The following GLO1 variants were observed in gnomAD, a reference collection of about 807,000 sequenced individuals.
The protein encoded by GLO1 is lactoylglutathione lyase.
In GLO1, 28 loss-of-function variants were observed where a neutral mutation model predicts 26.0. The observed-to-expected ratio is 1.08, with a 90% CI of 0.80 to 1.48. The LOEUF (loss-of-function observed/expected upper bound fraction) is 1.48. Ranked by LOEUF, GLO1 falls within the 40% of genes most tolerant of loss-of-function variation. GLO1 has a pLI of 0.00. For synonymous variants in GLO1, 78 were observed against 77.6 expected (o/e 1.00, Z -0.03); for missense variants, 225 against 224.8 (o/e 1.00, Z -0.01).
intron 2 of GLO1, among the ~76,000 whole-genome samples, chr6:38,685,647 TA>T (rs1362729197): frequency 1.3e-5 from 2 of 152,216 alleles, no homozygotes; most frequent in African/African-American, 4.8e-5. Context: ...AACATGTTTA[TA>T]ATAAAGTATC....
chr6:38,702,609 A>T (rs139243932), intron 1 of GLO1, among the ~76,000 whole-genome samples: 22 of 152,230 alleles, frequency 1.4e-4, no homozygotes, highest in Non-Finnish European at 2.9e-4. Context: ...CAGGACTGGT[A>T]CAGGACAGGC....
intron 5 of GLO1, among the ~76,000 whole-genome samples, chr6:38,680,956 A>G (rs2127545870): frequency 6.6e-6 from 1 of 152,324 alleles, no homozygotes; most frequent in South Asian, 2.1e-4. Context: ...TATATTTATT[A>G]TTATCTTTAA....
In GLO1 at chr6:38,682,104, T is replaced by A; in HGVS notation, c.377-3A>T. 1.3e-6 allele frequency: 2 copies of A among 1,510,014 alleles called. No homozygotes were observed. Among genetic ancestry groups the A allele is most frequent in the African/African-American group, 1.4e-5 (1 of 73,118 alleles). The allele number at this position is 1,510,014 out of a possible 1,614,324, so 93.5% of individuals were successfully genotyped here. A position where few individuals can be genotyped will look rare whatever the true frequency, so the allele number is the denominator to read the frequency against. ...AGGAACAGCAATTCCAATATGACCT[T>A]ACGTGATACCCCCCGAAAAAAGCAG... On this transcript the variant is annotated splice_polypyrimidine_tract_variant and splice_region_variant and intron_variant, in intron 4 of 5. Coordinates refer to ENST00000373365, the MANE Select transcript of GLO1 (RefSeq NM_006708.3).
intron 5 of GLO1, among the ~76,000 whole-genome samples, chr6:38,680,509 G>A (rs925288728): frequency 1.3e-5 from 2 of 152,156 alleles, no homozygotes; most frequent in African/African-American, 4.8e-5. Flanking sequence ...CAACAAGAGC[G>A]AAACTCCGTC....
At position 38,675,984 on chromosome 6, in the gene GLO1, C is replaced by T. The variant is rs1249889345; in HGVS notation, c.*1311G>A. On this transcript the variant is annotated 3_prime_UTR_variant, in exon 6 of 6. Coordinates refer to ENST00000373365, the MANE Select transcript of GLO1 (RefSeq NM_006708.3). ...ATTTTATTTCAGTCTATAAGTATTG[C>T]TATTTGTTTAAAGCACTCACATAAA... 1 of 150,982 alleles carries T rather than the reference C, an allele frequency of 6.6e-6. No homozygotes were observed. Among genetic ancestry groups the T allele is most frequent in the Non-Finnish European group, 1.5e-5 (1 of 67,814 alleles). The allele number at this position is 150,982 out of a possible 1,614,324, so 9.4% of individuals were successfully genotyped here.
chr6:38,679,873 C>T (rs1445766046), intron 5 of GLO1, among the ~76,000 whole-genome samples: 5 of 150,658 alleles, frequency 3.3e-5, no homozygotes, highest in East Asian at 3.9e-4. Context: ...GCAAACTAAG[C>T]GAAAATTAGA....
intron 1 of GLO1, among the ~76,000 whole-genome samples, chr6:38,689,521 A>AT (rs931080319): frequency 1.6e-4 from 25 of 152,188 alleles, no homozygotes; most frequent in Non-Finnish European, 3.5e-4. Context: ...CACAGCATGT[A>AT]TTTTTTGTTG....
chr6:38,682,145 AATT>A, intron 4 of GLO1, 44 bp from the exon 5 acceptor site: 1 of 1,040,394 alleles, frequency 9.6e-7, no homozygotes, highest in Non-Finnish European at 1.5e-6. Context: ...AGGAAGAAAT[AATT>A]ATAACAGGGT....
At chr6:38,701,810 A>G (rs1761703710) in intron 1 of GLO1, among the ~76,000 whole-genome samples, 1 of 152,220 alleles carries the variant, frequency 6.6e-6, no homozygotes, top group Non-Finnish European at 1.5e-5. Context: ...AAAGGTCTGC[A>G]CGAAGCACAT....
Position 38,686,930 on chromosome 6 carries a change from C to G in GLO1, c.129G>C (p.Lys43Asn). 1 of 1,606,804 alleles carries G rather than the reference C, an allele frequency of 6.2e-7. No homozygotes were observed. Among genetic ancestry groups the G allele is most frequent in the South Asian group, 1.1e-5 (1 of 90,860 alleles). ...QQTMLRVKDP[K>N]KSLDFYTRVL... ...CTCTAGTATAAAAATCCAGTGACTT[C>G]TTAGGATCCTTCACTCGTAGCATGG... The change falls in exon 2 of 6, where the codon AAG becomes AAC. Residue 43 changes from lysine to asparagine, a missense_variant. Transcript: ENST00000373365.
rs1194752167 is a variant in GLO1, at chr6:38,702,995, G to A, written c.60C>T (p.Cys20=). The A allele has an allele frequency of 6.9e-6, 11 of 1,586,812 alleles. No homozygotes were observed. Among genetic ancestry groups the A allele is most frequent in the Non-Finnish European group, 9.5e-6 (11 of 1,159,324 alleles). The change falls in exon 1 of 6, where the codon TGC becomes TGT. Residue 20 remains cysteine, a synonymous_variant. Coordinates refer to ENST00000373365, the MANE Select transcript of GLO1 (RefSeq NM_006708.3). ...GLTDEAALSC[C]SDADPSTKDF... ...CCTTGGTACTGGGGTCCGCGTCGGA[G>A]CAGCAACTGAGGGCGGCCTCGTCCG... is the stretch of plus-strand genomic sequence containing the variant.
chr6:38,681,935 C>T (rs1374313470), intron 5 of GLO1, 77 bp downstream of exon 5: 1 of 791,638 alleles, frequency 1.3e-6, no homozygotes, highest in East Asian at 2.4e-5. Context: ...AAGGGTTTTA[C>T]TACAACAGTG....
intron 1 of GLO1, among the ~76,000 whole-genome samples, chr6:38,699,350 A>C (rs1626200): frequency 0.67 from 102,164 of 152,068 alleles, 34,938 homozygotes; most frequent in African/African-American, 0.81. Flanking sequence ...AGGACCACTG[A>C]GATAATTGTG....
At chr6:38,685,064 G>A (rs1761442530) in intron 2 of GLO1, among the ~76,000 whole-genome samples, 1 of 152,104 alleles carries the variant, frequency 6.6e-6, no homozygotes, top group African/African-American at 2.4e-5. Flanking sequence ...CTGTAGAAAG[G>A]TCAAACAGTA....
Position 38,693,658 on chromosome 6 carries a change from G to GCT in GLO1, c.85-6686_85-6685dup, listed in dbSNP as rs71543936. ...ATGATCCCTTTTTCATTTTCATTCA[G>GCT]CTCTCTCTCTCTCTCTCTCTCTCTC... On this transcript the variant is annotated intron_variant, in intron 1 of 5. Transcript: ENST00000373365. Among the ~76,000 whole-genome samples, 897 of 127,548 alleles carry GCT rather than the reference G, an allele frequency of 7.0e-3. 15 individuals carry two copies. The highest frequency in any genetic ancestry group is 0.039 in the Admixed American group (490 of 12,484). 83.7% of individuals were successfully genotyped at this position (127,548 alleles called of 152,430 possible).
rs1266817824 is a variant in GLO1, at chr6:38,682,233, GT to G, written c.377-133del. 7.8e-6 allele frequency: 5 copies of G among 639,616 alleles called. No homozygotes were observed. In the African/African-American group the frequency reaches 9.2e-5, roughly 12 times the overall value. 39.6% of individuals were successfully genotyped at this position (639,616 alleles called of 1,614,324 possible). On this transcript the variant is annotated intron_variant, in intron 4 of 5. Transcript: ENST00000373365. ...GGCACTTGGGAACAGACTTAGGTAG[GT>G]TCAAAATCTATAATACATTAAAGAA...
intron 1 of GLO1, among the ~76,000 whole-genome samples, chr6:38,696,622 C>T (rs1210567281): frequency 6.6e-6 from 1 of 152,120 alleles, no homozygotes; most frequent in Non-Finnish European, 1.5e-5. Flanking sequence ...CCTACCTAAT[C>T]ACTTTCTGAA....
At chr6:38,696,920 C>CTTT (rs71744977) in intron 1 of GLO1, among the ~76,000 whole-genome samples, 2 of 140,092 alleles carry the variant, frequency 1.4e-5, no homozygotes, top group Non-Finnish European at 1.6e-5. Context: ...AAGCCTTCTT[C>CTTT]TTTTTTTTTT....
chr6:38,684,618 T>C lies in GLO1; in HGVS notation c.168-104A>G, dbSNP rs570771772. 1.1e-3 allele frequency: 696 copies of C among 628,412 alleles called. 3 individuals are homozygous for C. Among genetic ancestry groups the C allele is most frequent in the Non-Finnish European group, 7.2e-4 (306 of 424,972 alleles). The allele number at this position is 628,412 out of a possible 1,614,324, so 38.9% of individuals were successfully genotyped here. The stretch of plus-strand genomic sequence containing the variant: ...TTCAAGTTTTACTAAAAAGAAGAGC[T>C]ATATGTAGTAAGCCTATTTTAATGG... On this transcript the variant is annotated intron_variant, in intron 2 of 5. Transcript: ENST00000373365.
Sources: gnomAD v4.1 joint callset for allele counts (sites outside exome capture counted in the v4.1 genomes callset) on GRCh38, gnomAD v4.1.1 for gene constraint, MANE v1.5 for transcripts, NCBI Gene and HGNC (gene_info 2026-07-23, HGNC 2026-07-21) for gene names.